The following DGKB variants were observed in gnomAD, a reference collection of about 807,000 sequenced individuals.
DGKB encodes 90 kDa diacylglycerol kinase.
In DGKB, 67 loss-of-function variants were observed where a neutral mutation model predicts 114.3. The ratio of observed to expected loss-of-function variants is 0.59; its 90% CI spans 0.48 to 0.72. The LOEUF is 0.72. Among genes scored for constraint, DGKB ranks in the 30% least tolerant of loss-of-function variants. The pLI is 0.00. For missense variants in DGKB, 907 were observed against 975.2 expected (o/e 0.93, Z 0.93); for synonymous variants, 398 against 323.1 (o/e 1.23, Z -2.49).
In DGKB at chr7:14,145,198, T is replaced by A. The variant is rs962064456; in HGVS notation, c.*3933A>T. 5 of 152,218 alleles carry A rather than the reference T, an allele frequency of 3.3e-5. No homozygotes were observed. The highest frequency in any genetic ancestry group is 7.3e-5 in the Non-Finnish European group (5 of 68,034). 9.4% of individuals were successfully genotyped at this position (152,218 alleles called of 1,614,324 possible). A position where few individuals can be genotyped will look rare whatever the true frequency, so the allele number is the denominator to read the frequency against. ...AATGTGAGTTTACTCAAACTTTATT[T>A]AAATATAGCAGAATTTAATTGGGAG... On this transcript the variant is annotated 3_prime_UTR_variant, in exon 26 of 26. Transcript: ENST00000402815.
chr7:14,697,989 G>T, intron 8 of DGKB, 106 bp downstream of exon 8: 2 of 640,920 alleles, frequency 3.1e-6, no homozygotes, highest in African/African-American at 2.3e-5. Context: ...AAGAGAGAGA[G>T]AAAGAAAAAA....
In DGKB at chr7:14,284,931, A is replaced by C. The variant is rs200661782; in HGVS notation, c.2122+53584T>G. ...ATGCTAGATGACGAGTTAGTGGGTG[A>C]AGCACACCAGCATGGCACATGTATA... On this transcript the variant is annotated intron_variant, in intron 23 of 25. Coordinates refer to ENST00000402815, the MANE Select transcript of DGKB (RefSeq NM_001350709.2). Among the ~76,000 whole-genome samples, 5 of 151,248 alleles carry C rather than the reference A, an allele frequency of 3.3e-5. No homozygotes were observed. In the East Asian group the frequency reaches 9.9e-4, roughly 30 times the overall value.
At chr7:14,601,483 T>A (rs1286776136) in intron 17 of DGKB, among the ~76,000 whole-genome samples, 2 of 152,194 alleles carry the variant, frequency 1.3e-5, no homozygotes, top group Non-Finnish European at 2.9e-5. Context: ...TGGTGTTTTA[T>A]CATAAACACA....
At chr7:14,313,984 G>A (rs1280028593) in intron 23 of DGKB, among the ~76,000 whole-genome samples, 3 of 152,180 alleles carry the variant, frequency 2.0e-5, no homozygotes, top group East Asian at 1.9e-4. Context: ...CCTGACCCCC[G>A]AGCAGTTTAA....
chr7:14,725,922 G>C (rs547061493), intron 5 of DGKB, among the ~76,000 whole-genome samples: 59 of 152,150 alleles, frequency 3.9e-4, no homozygotes, highest in African/African-American at 1.2e-3. Context: ...ATGAATAATG[G>C]TAATGACTGG....
At chr7:14,889,329 T>C (rs188370919) in intron 1 of DGKB, among the ~76,000 whole-genome samples, 28 of 151,792 alleles carry the variant, frequency 1.8e-4, no homozygotes, top group Non-Finnish European at 4.1e-4. Flanking sequence ...ATATGGGAAT[T>C]TGATCTCTTA....
intron 1 of DGKB, among the ~76,000 whole-genome samples, chr7:14,950,258 A>G (rs532083499): frequency 6.6e-5 from 10 of 152,092 alleles, no homozygotes; most frequent in Admixed American, 2.0e-4. Flanking sequence ...AGCTAATACA[A>G]TGTCTAAAGT....
At chr7:14,284,191 G>A (rs1188211120) in intron 23 of DGKB, among the ~76,000 whole-genome samples, 1 of 151,450 alleles carries the variant, frequency 6.6e-6, no homozygotes, top group Non-Finnish European at 1.5e-5. Context: ...TCATCAAAAA[G>A]TGGGCGAAGG....
rs141074324 is a variant in DGKB at position 14,860,794 on chromosome 7, G to A, written c.-187-19344C>T. 1.6e-3 allele frequency among the ~76,000 whole-genome samples: 249 copies of A among 151,698 alleles called. 2 individuals are homozygous for A. Among genetic ancestry groups the A allele is most frequent in the African/African-American group, 5.7e-3 (236 of 41,424 alleles). On this transcript the variant is annotated intron_variant, in intron 1 of 25. Transcript: ENST00000402815. ...AAGTTGTTCATGTATATTTTCAGGG[G>A]GTCTTTGAACAACCTGATTTTATGT... is the stretch of plus-strand genomic sequence containing the variant.
intron 23 of DGKB, among the ~76,000 whole-genome samples, chr7:14,305,631 T>C (rs1026741787): frequency 6.6e-6 from 1 of 152,146 alleles, no homozygotes; most frequent in African/African-American, 2.4e-5. Flanking sequence ...TTGCGATCCA[T>C]CAAATGGCAC....
At chr7:14,252,341 T>G (rs955440123) in intron 23 of DGKB, among the ~76,000 whole-genome samples, 1 of 152,208 alleles carries the variant, frequency 6.6e-6, no homozygotes, top group Non-Finnish European at 1.5e-5. Context: ...TGGTTACTGG[T>G]GCTTTACTTT....
intron 1 of DGKB, among the ~76,000 whole-genome samples, chr7:14,870,375 C>T (rs893032450): frequency 7.9e-5 from 12 of 152,104 alleles, no homozygotes; most frequent in African/African-American, 2.7e-4. Flanking sequence ...TAGAAAATAC[C>T]TTTGCCTTCT....
rs189314685 is a variant in DGKB, at chr7:14,869,917, A to T, written c.-187-28467T>A. Among the ~76,000 whole-genome samples, 61 of 152,260 alleles carry T rather than the reference A, an allele frequency of 4.0e-4. 1 individual carries two copies. In the East Asian group the frequency reaches 0.012, roughly 29 times the overall value. ...TAGTTTATGATCTGGAAGACAATTT[A>T]AATAATGTTTTATAACCCACGATTT... On this transcript the variant is annotated intron_variant, in intron 1 of 25. Coordinates refer to ENST00000402815, the MANE Select transcript of DGKB (RefSeq NM_001350709.2).
At chr7:14,616,710 T>G (rs997682159) in intron 15 of DGKB, among the ~76,000 whole-genome samples, 24 of 151,776 alleles carry the variant, frequency 1.6e-4, no homozygotes, top group African/African-American at 5.3e-4. Context: ...GAAAGAACCC[T>G]CAACCTGCTC....
intron 2 of DGKB, among the ~76,000 whole-genome samples, chr7:14,765,278 T>C (rs1182270471): frequency 6.6e-6 from 1 of 152,022 alleles, no homozygotes; most frequent in Non-Finnish European, 1.5e-5. Context: ...CAAGTCACTC[T>C]CTACTTGTTC....
chr7:14,254,507 T>TGTTA, intron 23 of DGKB, among the ~76,000 whole-genome samples: 2 of 152,252 alleles, frequency 1.3e-5, no homozygotes, highest in East Asian at 3.9e-4. Flanking sequence ...CTAGATAAAA[T>TGTTA]GTTAGTTACA....
intron 13 of DGKB, among the ~76,000 whole-genome samples, chr7:14,659,558 C>T (rs1465454294): frequency 6.7e-6 from 1 of 148,160 alleles, no homozygotes; most frequent in African/African-American, 2.5e-5. Flanking sequence ...TATAAGAATG[C>T]TTGTGATTTT....
chr7:14,182,952 CAG>C lies in DGKB; in HGVS notation c.2123-4803_2123-4802del, dbSNP rs958107766. ...GCAGAGTAGTATAAACCCCTTTGTG[CAG>C]AGTGTCCAGCAACATTCTGCACCAC... On this transcript the variant is annotated intron_variant, in intron 23 of 25. Coordinates refer to ENST00000402815, the MANE Select transcript of DGKB (RefSeq NM_001350709.2). Among the ~76,000 whole-genome samples the C allele has an allele frequency of 1.9e-3, 282 of 152,250 alleles. 1 individual carries two copies. Among genetic ancestry groups the C allele is most frequent in the African/African-American group, 6.2e-3 (259 of 41,540 alleles).
intron 20 of DGKB, among the ~76,000 whole-genome samples, chr7:14,558,555 A>T (rs981033260): frequency 1.3e-5 from 2 of 152,104 alleles, no homozygotes; most frequent in Non-Finnish European, 2.9e-5. Context: ...AAAAAAACTG[A>T]TTTTCCTTGT....
Sources: allele counts gnomAD v4.1 joint callset (sites outside exome capture counted in the v4.1 genomes callset), GRCh38; gene constraint gnomAD v4.1.1; transcripts MANE v1.5; gene names NCBI Gene and HGNC (gene_info 2026-07-23, HGNC 2026-07-21).